The following LRP1B variants were observed in gnomAD, a reference collection of about 807,000 sequenced individuals.
LRP1B encodes low-density lipoprotein receptor-related protein 1B.
Under a neutral mutation model 556.6 loss-of-function variants are expected in LRP1B, and 217 were observed. That is an observed-to-expected ratio of 0.39 (90% CI 0.35 to 0.44). The LOEUF (loss-of-function observed/expected upper bound fraction) is 0.44. Among genes scored for constraint, LRP1B ranks in the 20% least tolerant of loss-of-function variants. The pLI is 1.00. For synonymous variants in LRP1B, 2,047 were observed against 1,865.8 expected (o/e 1.10, Z -2.50); for missense variants, 5,053 against 5,620.8 (o/e 0.90, Z 3.23).
intron 11 of LRP1B, among the ~76,000 whole-genome samples, chr2:141,035,265 T>C (rs1006375213): frequency 4.0e-5 from 6 of 151,586 alleles, no homozygotes; most frequent in African/African-American, 1.5e-4. Flanking sequence ...AAATGACGAG[T>C]TAATGGGTGC....
intron 3 of LRP1B, among the ~76,000 whole-genome samples, chr2:141,413,561 A>C (rs1252350000): frequency 6.6e-6 from 1 of 152,190 alleles, no homozygotes; most frequent in Non-Finnish European, 1.5e-5. Context: ...TCAAGATAAT[A>C]AATTTGTATT....
At chr2:141,324,180 CCA>C (rs1687356257) in intron 3 of LRP1B, among the ~76,000 whole-genome samples, 2 of 148,312 alleles carry the variant, frequency 1.3e-5, no homozygotes, top group Non-Finnish European at 1.5e-5. Context: ...AACAAGGAAA[CCA>C]CACACACACA....
intron 37 of LRP1B, among the ~76,000 whole-genome samples, chr2:140,711,382 G>A (rs1687026306): frequency 6.6e-6 from 1 of 151,904 alleles, no homozygotes; most frequent in South Asian, 2.1e-4. Context: ...AGCTGTGTTG[G>A]TCACTCATAC....
At chr2:141,644,101 T>A (rs1689455253) in intron 2 of LRP1B, among the ~76,000 whole-genome samples, 2 of 151,748 alleles carry the variant, frequency 1.3e-5, no homozygotes, top group African/African-American at 4.8e-5. Flanking sequence ...ACAACCTTGT[T>A]CTTTCAATTC....
intron 6 of LRP1B, among the ~76,000 whole-genome samples, chr2:141,225,579 A>T (rs1029508246): frequency 3.0e-4 from 45 of 152,220 alleles, no homozygotes; most frequent in African/African-American, 1.1e-3. Context: ...TTAAAAAACA[A>T]GTTTTGCTTA....
chr2:141,297,262 T>C (rs1006393266), intron 3 of LRP1B, among the ~76,000 whole-genome samples: 1 of 152,118 alleles, frequency 6.6e-6, no homozygotes, highest in Non-Finnish European at 1.5e-5. Flanking sequence ...TGAGATATCA[T>C]CTCACACAAG....
chr2:140,639,113 A>G (rs1684181190), intron 41 of LRP1B, among the ~76,000 whole-genome samples: 1 of 152,178 alleles, frequency 6.6e-6, no homozygotes, highest in African/African-American at 2.4e-5. Context: ...TCTTTAAAGA[A>G]GGTATGAGTG....
chr2:141,999,430 A>T (rs906434386), intron 1 of LRP1B, among the ~76,000 whole-genome samples: 4 of 152,150 alleles, frequency 2.6e-5, no homozygotes, highest in African/African-American at 9.7e-5. Flanking sequence ...TTTCTCCCAT[A>T]TTAGGAGCAA....
At chr2:140,823,897 C>T (rs1319662311) in intron 31 of LRP1B, among the ~76,000 whole-genome samples, 1 of 151,728 alleles carries the variant, frequency 6.6e-6, no homozygotes, top group Non-Finnish European at 1.5e-5. Flanking sequence ...GAACTCATGA[C>T]CACAAAGAAG....
chr2:141,884,364 G>C (rs1474862172), intron 1 of LRP1B, among the ~76,000 whole-genome samples: 1 of 152,062 alleles, frequency 6.6e-6, no homozygotes, highest in Non-Finnish European at 1.5e-5. Flanking sequence ...GATAGAGAAA[G>C]ATCCTGTGTC....
At chr2:141,218,328 T>G (rs1271132588) in intron 6 of LRP1B, among the ~76,000 whole-genome samples, 1 of 152,178 alleles carries the variant, frequency 6.6e-6, no homozygotes, top group Non-Finnish European at 1.5e-5. Context: ...AAAAGACACA[T>G]GCATGTGTAC....
rs754775674 is a variant in LRP1B at position 140,475,296 on chromosome 2, C to G, written c.9467G>C (p.Gly3156Ala). The G allele has an allele frequency of 1.8e-5, 29 of 1,608,970 alleles. No homozygotes were observed. The highest frequency in any genetic ancestry group is 2.3e-5 in the Non-Finnish European group (27 of 1,177,118). The change falls in exon 60 of 91, where the codon GGC (glycine) becomes GCC (alanine). Residue 3156 changes from glycine (G) to alanine (A), a missense_variant. Gly to Ala is a moderately conservative substitution (Grantham distance 60, BLOSUM62 0). Transcript: ENST00000389484. ...ATTGGTTCCATCCATTCCAACACGG[C>G]CAATATGAGGATACTCGCAGCAGTC... ...WIDCCEYPHI[G>A]RVGMDGTNQS...
At chr2:140,629,719 C>A (rs1243894598) in intron 41 of LRP1B, among the ~76,000 whole-genome samples, 1 of 152,108 alleles carries the variant, frequency 6.6e-6, no homozygotes, top group Non-Finnish European at 1.5e-5. Context: ...GCAAATCTTC[C>A]TATCATACAA....
chr2:141,359,280 AC>A (rs1553502341), intron 3 of LRP1B, among the ~76,000 whole-genome samples: 3 of 150,792 alleles, frequency 2.0e-5, no homozygotes, highest in Admixed American at 6.6e-5. Flanking sequence ...AAAAAAAAAA[AC>A]CACAGAATTG....
At chr2:140,554,927 C>G (rs146047210) in intron 43 of LRP1B, among the ~76,000 whole-genome samples, 3 of 147,494 alleles carry the variant, frequency 2.0e-5, no homozygotes, top group Non-Finnish European at 4.5e-5. Context: ...ACTTTATTTG[C>G]GTATGTACAC....
chr2:141,971,346 G>T (rs1353064978), intron 1 of LRP1B, among the ~76,000 whole-genome samples: 2 of 151,138 alleles, frequency 1.3e-5, no homozygotes, highest in Admixed American at 1.3e-4. Context: ...CTTATATTAT[G>T]GAAGCTCCCT....
chr2:140,728,869 T>G (rs943429467), intron 35 of LRP1B, among the ~76,000 whole-genome samples: 2 of 152,132 alleles, frequency 1.3e-5, no homozygotes, highest in Non-Finnish European at 2.9e-5. Context: ...AGTGTCTGAA[T>G]AAAATGGAAG....
At chr2:140,359,006 ATTC>A in intron 72 of LRP1B, 60 bp from the exon 73 acceptor site, 1 of 1,502,342 alleles carries the variant, frequency 6.7e-7, no homozygotes, top group East Asian at 2.4e-5. Context: ...TATGAAGAAC[ATTC>A]TTCCTTTTTC....
At chr2:141,204,112 G>A (rs1009870130) in intron 6 of LRP1B, among the ~76,000 whole-genome samples, 2 of 152,060 alleles carry the variant, frequency 1.3e-5, no homozygotes, top group East Asian at 3.9e-4. Context: ...TAACGTCTTT[G>A]CCCAATTTTA....
Sources: allele counts gnomAD v4.1 joint callset (sites outside exome capture counted in the v4.1 genomes callset), GRCh38; gene constraint gnomAD v4.1.1; transcripts MANE v1.5; gene names NCBI Gene and HGNC (gene_info 2026-07-23, HGNC 2026-07-21).